The following OR4N2 variants were observed in gnomAD, a reference collection of about 807,000 sequenced individuals.
The protein encoded by OR4N2 is olfactory receptor family 4 subfamily N member 2.
For synonymous variants in OR4N2, 141 were observed against 140.4 expected (o/e 1.00, Z -0.03); for missense variants, 307 against 377.6 (o/e 0.81, Z 1.55).
chr14:19,828,420 T>C lies in OR4N2; in HGVS notation c.*48T>C, dbSNP rs756547047. The C allele has an allele frequency of 3.4e-6, 5 of 1,471,910 alleles. No individual in the cohort carries two copies. The South Asian group carries it at 5.2e-5, about 15-fold the overall frequency. 91.2% of individuals were successfully genotyped at this position (1,471,910 alleles called of 1,614,324 possible). Reference sequence around the variant, plus strand: ...AATAAAAATAGACTGTAGAATTTTATCTGAAATTGATTTGTTTATTTCCAA... The same window carrying C: ...AATAAAAATAGACTGTAGAATTTTACCTGAAATTGATTTGTTTATTTCCAA... On this transcript the variant is annotated 3_prime_UTR_variant, in exon 2 of 2. Coordinates refer to ENST00000557677, the MANE Select transcript of OR4N2 (RefSeq NM_001004723.3).
At chr14:19,825,789 A>C (rs1879681984) in intron 1 of OR4N2, among the ~76,000 whole-genome samples, 1 of 152,204 alleles carries the variant, frequency 6.6e-6, no homozygotes, top group Middle Eastern at 3.4e-3. Context: ...CGATCTCCTG[A>C]GCTCGTGATC....
At chr14:19,808,271 A>C (rs1249453290) in intron 1 of OR4N2, among the ~76,000 whole-genome samples, 55 of 152,336 alleles carry the variant, frequency 3.6e-4, no homozygotes, top group African/African-American at 1.2e-3. Context: ...AGACATCCAA[A>C]TAGAAAAATA....
In OR4N2 at chr14:19,828,107, T is replaced by A. The variant is rs758419217; in HGVS notation, c.659T>A (p.Val220Asp). The A allele has an allele frequency of 1.9e-6, 3 of 1,614,228 alleles. No homozygotes were observed. Among genetic ancestry groups the A allele is most frequent in the Non-Finnish European group, 2.5e-6 (3 of 1,180,040 alleles). The change falls in exon 2 of 2, where the codon GTC (valine) becomes GAC (aspartate). Residue 220 changes from valine (V) to aspartate (D), a missense_variant. Physicochemically the swap from Val to Asp is radical, Grantham distance 152. Transcript: ENST00000557677. ...CTGGGGCTTCTGGCCTCCTATGCAG[T>A]CATTCTTTGTCGCATACGAGGGTCT... ...CFLGLLASYA[V>D]ILCRIRGSSS...
chr14:19,816,418 C>T (rs1372090582), intron 1 of OR4N2, among the ~76,000 whole-genome samples: 1 of 152,182 alleles, frequency 6.6e-6, no homozygotes, highest in South Asian at 2.1e-4. Context: ...CTTCATATCC[C>T]TTGTTAGTTG....
chr14:19,824,543 T>C (rs1879644418), intron 1 of OR4N2, among the ~76,000 whole-genome samples: 1 of 152,248 alleles, frequency 6.6e-6, no homozygotes, highest in Non-Finnish European at 1.5e-5. Flanking sequence ...CATGAGTAAG[T>C]ACAGTTGACC....
intron 1 of OR4N2, 101 bp from the exon 2 acceptor site, chr14:19,827,339 G>C: frequency 2.0e-6 from 2 of 1,023,506 alleles, no homozygotes; most frequent in Non-Finnish European, 2.9e-6. Flanking sequence ...GTTGTTTTTA[G>C]CTGAAGTACT....
At chr14:19,816,484 A>G (rs1879431042) in intron 1 of OR4N2, among the ~76,000 whole-genome samples, 1 of 152,170 alleles carries the variant, frequency 6.6e-6, no homozygotes. Context: ...TTAACTCATG[A>G]TTTGGCTGTT....
chr14:19,815,816 G>A (rs576886862), intron 1 of OR4N2, among the ~76,000 whole-genome samples: 3 of 152,112 alleles, frequency 2.0e-5, no homozygotes, highest in Non-Finnish European at 2.9e-5. Flanking sequence ...TTCTTTTAGG[G>A]TTTTTATGGT....
chr14:19,810,001 G>C (rs750463374), intron 1 of OR4N2, among the ~76,000 whole-genome samples: 3 of 152,236 alleles, frequency 2.0e-5, no homozygotes, highest in Non-Finnish European at 4.4e-5. Context: ...ATTGACAAAT[G>C]AGACCTAAGT....
intron 1 of OR4N2, among the ~76,000 whole-genome samples, chr14:19,824,564 A>G (rs2138480338): frequency 6.6e-6 from 1 of 152,370 alleles, no homozygotes; most frequent in Non-Finnish European, 1.5e-5. Flanking sequence ...CCAGAAAAAC[A>G]TGGGTTTGAA....
chr14:19,804,748 CTT>C (rs897891401), intron 1 of OR4N2, among the ~76,000 whole-genome samples: 1 of 152,146 alleles, frequency 6.6e-6, no homozygotes, highest in African/African-American at 2.4e-5. Flanking sequence ...TCCCGAATCT[CTT>C]TGTTCATTTT....
chr14:19,812,616 C>G (rs1879330381), intron 1 of OR4N2, among the ~76,000 whole-genome samples: 1 of 152,208 alleles, frequency 6.6e-6, no homozygotes, highest in Non-Finnish European at 1.5e-5. Context: ...CCTCGGCCTC[C>G]CAAAGTGCTG....
intron 1 of OR4N2, among the ~76,000 whole-genome samples, chr14:19,810,501 G>A (rs1189527131): frequency 6.6e-6 from 1 of 152,164 alleles, no homozygotes; most frequent in Non-Finnish European, 1.5e-5. Context: ...CATATCCAAA[G>A]GAATATAAAT....
rs1314108568 is a variant in OR4N2, at chr14:19,829,680, T to C, written c.*1308T>C. 6.6e-6 allele frequency: 1 copy of C among 152,270 alleles called. No homozygotes were observed. Among genetic ancestry groups the C allele is most frequent in the South Asian group, 2.1e-4 (1 of 4,838 alleles). 9.4% of individuals were successfully genotyped at this position (152,270 alleles called of 1,614,324 possible). A position where few individuals can be genotyped will look rare whatever the true frequency, so the allele number is the denominator to read the frequency against. On this transcript the variant is annotated 3_prime_UTR_variant, in exon 2 of 2. Coordinates refer to ENST00000557677, the MANE Select transcript of OR4N2 (RefSeq NM_001004723.3). ...CTCCTACTGCATCCCTTTAACTAGC[T>C]GACTATATATTCAAATCTCAAATGA... is the stretch of plus-strand genomic sequence containing the variant.
chr14:19,815,361 A>G (rs1165409163), intron 1 of OR4N2, among the ~76,000 whole-genome samples: 1 of 152,232 alleles, frequency 6.6e-6, no homozygotes, highest in East Asian at 1.9e-4. Flanking sequence ...AATGATCACC[A>G]TTCTAACTGG....
rs757511519 is a variant in OR4N2 at position 19,828,288 on chromosome 14, T to G, written c.840T>G (p.Pro280=). The change falls in exon 2 of 2, where the codon CCT becomes CCG. Residue 280 remains proline (P), a synonymous_variant. Coordinates refer to ENST00000557677, the MANE Select transcript of OR4N2 (RefSeq NM_001004723.3). ...VVSLFHTVIF[P]LLNPVIYTLR... ...CTCTCTTCCACACAGTGATTTTTCCTTTGTTGAATCCTGTCATTTATACCC... is the reference window on the plus strand; with the variant it reads ...CTCTCTTCCACACAGTGATTTTTCCGTTGTTGAATCCTGTCATTTATACCC... 10 of 1,614,130 alleles carry G rather than the reference T, an allele frequency of 6.2e-6. No individual in the cohort carries two copies. The African/African-American group carries it at 1.2e-4, about 19-fold the overall frequency.
intron 1 of OR4N2, among the ~76,000 whole-genome samples, chr14:19,817,831 A>G (rs1376320636): frequency 1.3e-5 from 2 of 152,266 alleles, no homozygotes; most frequent in South Asian, 2.1e-4. Context: ...ATTTAGTGCT[A>G]TAAATTTTCC....
At chr14:19,805,599 C>T (rs1024283996) in intron 1 of OR4N2, among the ~76,000 whole-genome samples, 94 of 152,160 alleles carry the variant, frequency 6.2e-4, no homozygotes, top group African/African-American at 2.2e-3. Context: ...ATAAAGAGAC[C>T]AAATCTACAA....
intron 1 of OR4N2, among the ~76,000 whole-genome samples, chr14:19,825,903 A>G (rs1229963563): frequency 1.2e-4 from 18 of 152,228 alleles, no homozygotes; most frequent in East Asian, 1.9e-4. Context: ...GTTAAATCAT[A>G]TTAAGAATAT....
Sources: gnomAD v4.1 joint callset for allele counts (sites outside exome capture counted in the v4.1 genomes callset) on GRCh38, gnomAD v4.1.1 for gene constraint, MANE v1.5 for transcripts, NCBI Gene and HGNC (gene_info 2026-07-23, HGNC 2026-07-21) for gene names.